NRCAM: variants seen among roughly 807,000 people sequenced by gnomAD.
NRCAM encodes the protein neuronal cell adhesion molecule.
A neutral mutation model predicts 156.5 loss-of-function variants in NRCAM; 83 were observed. That is an observed-to-expected ratio of 0.53 (90% CI 0.44 to 0.64). The LOEUF is 0.64. Ranked by LOEUF, NRCAM falls within the 30% of genes least tolerant of loss-of-function variation. NRCAM has a pLI of 0.00. For missense variants in NRCAM, 1,417 were observed against 1,597.3 expected, an observed-to-expected ratio of 0.89 and a Z score of 1.92; for synonymous variants, 538 against 563.9, an observed-to-expected ratio of 0.95 and a Z score of 0.65.
intron 3 of NRCAM, among the ~76,000 whole-genome samples, chr7:108,254,366 T>C (rs964532072): frequency 6.6e-6 from 1 of 152,164 alleles, no homozygotes; most frequent in East Asian, 1.9e-4. Context: ...AGATGCTCAA[T>C]ATCATTTATC....
At chr7:108,271,907 A>T (rs559474957) in intron 3 of NRCAM, among the ~76,000 whole-genome samples, 2 of 152,300 alleles carry the variant, frequency 1.3e-5, no homozygotes, top group Admixed American at 1.3e-4. Flanking sequence ...TAGCAAGCAA[A>T]ATTTAGCATA....
intron 3 of NRCAM, among the ~76,000 whole-genome samples, chr7:108,286,479 G>A (rs73201513): frequency 0.037 from 5,503 of 150,710 alleles, 158 homozygotes; most frequent in South Asian, 0.11. Flanking sequence ...AGAAGAAAGC[G>A]GAAAAAAAAG....
chr7:108,235,466 G>C (rs1392577496), intron 5 of NRCAM, among the ~76,000 whole-genome samples: 1 of 152,132 alleles, frequency 6.6e-6, no homozygotes, highest in Non-Finnish European at 1.5e-5. Context: ...ATCAGAATTA[G>C]TGTTATGACA....
At chr7:108,220,643 A>G (rs2091907940) in intron 11 of NRCAM, among the ~76,000 whole-genome samples, 1 of 152,216 alleles carries the variant, frequency 6.6e-6, no homozygotes, top group Non-Finnish European at 1.5e-5. Flanking sequence ...TTGGCTAGCC[A>G]CATGTAGGAG....
At chr7:108,452,938 G>A (rs923875647) in intron 1 of NRCAM, among the ~76,000 whole-genome samples, 6 of 152,182 alleles carry the variant, frequency 3.9e-5, no homozygotes, top group Admixed American at 6.5e-5. Context: ...TTTCTCAGAT[G>A]TGCATTACAC....
chr7:108,176,581 A>G lies in NRCAM; in HGVS notation c.3000T>C (p.Pro1000=), dbSNP rs2060568242. 1 of 1,613,476 alleles carries G rather than the reference A, an allele frequency of 6.2e-7. No homozygotes were observed. Among genetic ancestry groups the G allele is most frequent in the Non-Finnish European group, 8.5e-7 (1 of 1,179,746 alleles). Residue 1000 remains proline, a synonymous_variant, in exon 27 of 33, where the codon CCT becomes CCC. Transcript: ENST00000379028. ...QPINSTHELG[P]LVDLKIPANK... ...TGGCAGGAATTTTCAAATCTACCAGAGGGCCTAATTCATGTGTGCTGTTAA... is the reference window on the plus strand; with the variant it reads ...TGGCAGGAATTTTCAAATCTACCAGGGGGCCTAATTCATGTGTGCTGTTAA...
intron 28 of NRCAM, among the ~76,000 whole-genome samples, chr7:108,170,947 TTACTAATTATAGTTAA>T (rs2058120022): frequency 6.6e-6 from 1 of 152,214 alleles, no homozygotes; most frequent in Non-Finnish European, 1.5e-5. Flanking sequence ...CAGCATTATA[TTACTAATTATAGTTAA>T]TAATAAAGTA....
chr7:108,303,719 C>T (rs2098669484), intron 3 of NRCAM, among the ~76,000 whole-genome samples: 1 of 152,072 alleles, frequency 6.6e-6, no homozygotes, highest in South Asian at 2.1e-4. Context: ...TTGGCCTCGG[C>T]TCTCCCAGAG....
intron 11 of NRCAM, among the ~76,000 whole-genome samples, chr7:108,215,104 A>C (rs1563487646): frequency 6.6e-6 from 1 of 152,002 alleles, no homozygotes; most frequent in Non-Finnish European, 1.5e-5. Context: ...GTAGATGTCT[A>C]TCAGGTCTGC....
chr7:108,317,438 C>T (rs1322195016), intron 2 of NRCAM, among the ~76,000 whole-genome samples: 1 of 152,162 alleles, frequency 6.6e-6, no homozygotes, highest in Non-Finnish European at 1.5e-5. Context: ...ATAGTGTTTA[C>T]TTCACCTAGG....
chr7:108,170,314 T>C (rs1460268250), intron 28 of NRCAM, among the ~76,000 whole-genome samples: 1 of 152,198 alleles, frequency 6.6e-6, no homozygotes, highest in African/African-American at 2.4e-5. Context: ...AAATATTGCG[T>C]GATCTCACTT....
chr7:108,342,717 T>C (rs577170814), intron 2 of NRCAM, among the ~76,000 whole-genome samples: 2 of 152,350 alleles, frequency 1.3e-5, no homozygotes, highest in Non-Finnish European at 2.9e-5. Context: ...AGGAAACTGA[T>C]GTAGTGGCAA....
intron 2 of NRCAM, among the ~76,000 whole-genome samples, chr7:108,325,366 T>C (rs367923702): frequency 6.6e-6 from 1 of 152,198 alleles, no homozygotes; most frequent in East Asian, 1.9e-4. Context: ...TTACTTTAAA[T>C]GAATTACCTC....
intron 26 of NRCAM, among the ~76,000 whole-genome samples, chr7:108,177,033 C>T (rs909262891): frequency 1.1e-4 from 16 of 152,120 alleles, no homozygotes; most frequent in African/African-American, 3.9e-4. Flanking sequence ...CTAAACCCCA[C>T]TCCTAAAGGT....
intron 2 of NRCAM, among the ~76,000 whole-genome samples, chr7:108,393,786 G>C (rs1286464045): frequency 6.6e-6 from 1 of 152,168 alleles, no homozygotes; most frequent in Non-Finnish European, 1.5e-5. Flanking sequence ...TCTTGATTGT[G>C]ATTCCAGAGC....
At chr7:108,191,995 C>T in intron 17 of NRCAM, 142 bp from the exon 18 acceptor site, 1 of 866,752 alleles carries the variant, frequency 1.2e-6, no homozygotes, top group Non-Finnish European at 1.7e-6. Flanking sequence ...AAATACATAT[C>T]ACTTTAAGAA....
In NRCAM at chr7:108,159,398, G is replaced by T. The variant is rs368560348; in HGVS notation, c.3677+65C>A. The T allele has an allele frequency of 7.2e-5, 100 of 1,393,696 alleles. No individual in the cohort carries two copies. The African/African-American group carries it at 1.2e-3, about 17-fold the overall frequency. The allele number at this position is 1,393,696 out of a possible 1,614,324, so 86.3% of individuals were successfully genotyped here. On this transcript the variant is annotated intron_variant, in intron 32 of 32. Transcript: ENST00000379028. The stretch of plus-strand genomic sequence containing the variant: ...GCCAGGCAGAGCATATTCTGGCTGA[G>T]TTCTATTCTCGGGACTGTGTTCATG...
At chr7:108,248,823 G>A (rs1209841561) in intron 3 of NRCAM, among the ~76,000 whole-genome samples, 2 of 152,182 alleles carry the variant, frequency 1.3e-5, no homozygotes, top group Non-Finnish European at 2.9e-5. Context: ...AATATTTAGT[G>A]AGCACTAGTA....
At chr7:108,277,881 A>G (rs2097700282) in intron 3 of NRCAM, among the ~76,000 whole-genome samples, 1 of 151,978 alleles carries the variant, frequency 6.6e-6, no homozygotes, top group Non-Finnish European at 1.5e-5. Context: ...GGTTTTATCT[A>G]CCTTTGGTCT....
Sources: allele counts gnomAD v4.1 joint callset (sites outside exome capture counted in the v4.1 genomes callset), GRCh38; gene constraint gnomAD v4.1.1; transcripts MANE v1.5; gene names NCBI Gene and HGNC (gene_info 2026-07-23, HGNC 2026-07-21).